The following GRM1 variants were observed in gnomAD, a reference collection of about 807,000 sequenced individuals.
The protein encoded by GRM1 is metabotropic glutamate receptor 1.
Under a neutral mutation model 90.9 loss-of-function variants are expected in GRM1, and 33 were observed. The ratio of observed to expected loss-of-function variants is 0.36; its 90% CI spans 0.28 to 0.49. The LOEUF (loss-of-function observed/expected upper bound fraction) is 0.49, where lower values mean the gene tolerates loss of function less well. GRM1 is among the 20% of genes least tolerant of loss of function. GRM1 has a pLI of 0.99. For missense variants in GRM1, 1,190 were observed against 1,534.3 expected, an observed-to-expected ratio of 0.78 and a Z score of 3.75; for synonymous variants, 700 against 613.2, an observed-to-expected ratio of 1.14 and a Z score of -2.09.
chr6:146,405,335 C>G (rs74564431), intron 7 of GRM1, among the ~76,000 whole-genome samples: 1 of 152,140 alleles, frequency 6.6e-6, no homozygotes, highest in Admixed American at 6.5e-5. Context: ...CATTAGGGAA[C>G]TCTTACACTT....
At chr6:146,046,798 CA>C (rs1438481181) in intron 1 of GRM1, among the ~76,000 whole-genome samples, 2 of 151,958 alleles carry the variant, frequency 1.3e-5, no homozygotes, top group African/African-American at 4.8e-5. Context: ...GGGTACCCTG[CA>C]GTTCTTACCA....
At chr6:146,311,387 A>G (rs1171669752) in intron 3 of GRM1, among the ~76,000 whole-genome samples, 1 of 152,226 alleles carries the variant, frequency 6.6e-6, no homozygotes, top group Admixed American at 6.5e-5. Context: ...AAGTGTTTAT[A>G]TATCTTAGTT....
chr6:146,212,906 G>T (rs555454379), intron 2 of GRM1, among the ~76,000 whole-genome samples: 1 of 152,062 alleles, frequency 6.6e-6, no homozygotes, highest in South Asian at 2.1e-4. Context: ...ATTTCTAATT[G>T]TTTCTCATAA....
In GRM1 at chr6:146,350,259, A is replaced by G. The variant is rs140558448; in HGVS notation, c.1187-1991A>G. Among the ~76,000 whole-genome samples, 1,092 of 152,364 alleles carry G rather than the reference A, an allele frequency of 7.2e-3. 6 individuals are homozygous for G. The highest frequency in any genetic ancestry group is 0.011 in the Non-Finnish European group (779 of 68,030). On this transcript the variant is annotated intron_variant, in intron 3 of 7. Coordinates refer to ENST00000282753, the MANE Select transcript of GRM1 (RefSeq NM_001278064.2). ...AATCTTAAATAGTAGTTATAAAAAC[A>G]AGAAGAGCAAACTCAGTGTCCATAA...
chr6:146,058,725 CT>C (rs1775567253), intron 1 of GRM1, among the ~76,000 whole-genome samples: 1 of 152,158 alleles, frequency 6.6e-6, no homozygotes. Context: ...AGTCAATCCT[CT>C]CAACCCTGCT....
chr6:146,135,350 G>T (rs946795359), intron 1 of GRM1, among the ~76,000 whole-genome samples: 1 of 152,164 alleles, frequency 6.6e-6, no homozygotes, highest in African/African-American at 2.4e-5. Flanking sequence ...CACTCCAAAA[G>T]TATTGGCAAA....
In GRM1 at chr6:146,300,717, GGCTGGGTCACTACCCAGCACA is replaced by G. The variant is rs530631847; in HGVS notation, c.951-3891_951-3871del. ...TCACAGAGAGTCCAGTGCTGTCTGA[GGCTGGGTCACTACCCAGCACA>G]GCAGGATTCACTCCAGACACTTGGC... On this transcript the variant is annotated intron_variant, in intron 2 of 7. Coordinates refer to ENST00000282753, the MANE Select transcript of GRM1 (RefSeq NM_001278064.2). Among the ~76,000 whole-genome samples the G allele has an allele frequency of 9.5e-4, 144 of 152,284 alleles. 1 individual carries two copies. The East Asian group carries it at 0.014, about 14-fold the overall frequency.
intron 1 of GRM1, among the ~76,000 whole-genome samples, chr6:146,035,413 G>A (rs750644652): frequency 1.4e-4 from 22 of 151,942 alleles, no homozygotes; most frequent in Non-Finnish European, 2.4e-4. Flanking sequence ...ATATTGTTAC[G>A]AGATACTTTA....
At chr6:146,093,504 G>T (rs1776776791) in intron 1 of GRM1, among the ~76,000 whole-genome samples, 1 of 152,062 alleles carries the variant, frequency 6.6e-6, no homozygotes, top group Admixed American at 6.6e-5. Context: ...CCATATTCTG[G>T]ATTCCTCCTC....
chr6:146,173,742 C>T (rs1291521166), intron 2 of GRM1, among the ~76,000 whole-genome samples: 1 of 150,668 alleles, frequency 6.6e-6, no homozygotes, highest in Non-Finnish European at 1.5e-5. Flanking sequence ...TCTTGGCTGA[C>T]TGCAATCTCC....
chr6:146,077,364 C>T (rs1776223042), intron 1 of GRM1, among the ~76,000 whole-genome samples: 1 of 152,164 alleles, frequency 6.6e-6, no homozygotes, highest in Non-Finnish European at 1.5e-5. Flanking sequence ...TTAGCTCCAC[C>T]TTGGTGGTTT....
intron 3 of GRM1, among the ~76,000 whole-genome samples, chr6:146,319,974 T>C (rs908316750): frequency 6.6e-6 from 1 of 152,202 alleles, no homozygotes; most frequent in East Asian, 1.9e-4. Context: ...CTTGCCTTAT[T>C]GCCCTGGCCA....
chr6:146,049,098 A>G (rs1309206005), intron 1 of GRM1, among the ~76,000 whole-genome samples: 1 of 151,876 alleles, frequency 6.6e-6, no homozygotes, highest in East Asian at 1.9e-4. Flanking sequence ...TCATCTTTTT[A>G]TCGACTATTA....
chr6:146,421,255 C>A (rs1157684284), intron 7 of GRM1, among the ~76,000 whole-genome samples: 2 of 151,964 alleles, frequency 1.3e-5, no homozygotes, highest in Non-Finnish European at 2.9e-5. Flanking sequence ...AGGAAAAAAA[C>A]TAAATGGTCA....
intron 5 of GRM1, among the ~76,000 whole-genome samples, chr6:146,364,089 A>G (rs1775590604): frequency 6.6e-6 from 1 of 152,234 alleles, no homozygotes; most frequent in Non-Finnish European, 1.5e-5. Flanking sequence ...GTCACATTGT[A>G]AATCATGCTG....
At chr6:146,177,367 C>T (rs1398403978) in intron 2 of GRM1, among the ~76,000 whole-genome samples, 7 of 152,028 alleles carry the variant, frequency 4.6e-5, no homozygotes, top group Admixed American at 2.6e-4. Flanking sequence ...TAGATGTGTT[C>T]TGAAAATAGT....
rs1775773852 is a variant in GRM1, at chr6:146,064,347, TAA to T, written c.700+34131_700+34132del. On this transcript the variant is annotated intron_variant, in intron 1 of 7. Transcript: ENST00000282753. ...TTACCTGGTTTTCATCTTAATACTT[TAA>T]GTCTACTTTTATAGTTACTTTAACC... Among the ~76,000 whole-genome samples, 4 of 152,350 alleles carry T rather than the reference TAA, an allele frequency of 2.6e-5. No individual in the cohort carries two copies. The South Asian group carries it at 8.3e-4, about 32-fold the overall frequency.
At chr6:146,053,610 G>C (rs1341381680) in intron 1 of GRM1, among the ~76,000 whole-genome samples, 1 of 152,018 alleles carries the variant, frequency 6.6e-6, no homozygotes, top group Non-Finnish European at 1.5e-5. Flanking sequence ...CCTGCTGAAC[G>C]TTATGTGAGT....
intron 3 of GRM1, among the ~76,000 whole-genome samples, chr6:146,342,456 A>G (rs1785018263): frequency 6.6e-6 from 1 of 152,218 alleles, no homozygotes; most frequent in Non-Finnish European, 1.5e-5. Context: ...TTACTCTGGG[A>G]CAGTAACTAA....
Sources: gnomAD v4.1 joint callset for allele counts (sites outside exome capture counted in the v4.1 genomes callset) on GRCh38, gnomAD v4.1.1 for gene constraint, MANE v1.5 for transcripts, NCBI Gene and HGNC (gene_info 2026-07-23, HGNC 2026-07-21) for gene names.